The following CDH18 variants were observed in gnomAD, a reference collection of about 807,000 sequenced individuals.
CDH18 encodes cadherin-18.
A neutral mutation model predicts 67.9 loss-of-function variants in CDH18; 31 were observed. The observed-to-expected ratio is 0.46, with a 90% confidence interval of 0.34 to 0.62. The LOEUF (loss-of-function observed/expected upper bound fraction) is 0.62. Among genes scored for constraint, CDH18 ranks in the 20% least tolerant of loss-of-function variants. CDH18 has a pLI of 0.01. For missense variants in CDH18, 890 were observed against 975.5 expected, an observed-to-expected ratio of 0.91 and a Z score of 1.17; for synonymous variants, 362 against 347.2, an observed-to-expected ratio of 1.04 and a Z score of -0.48.
chr5:20,106,620 G>C (rs1746962379), intron 2 of CDH18, among the ~76,000 whole-genome samples: 1 of 152,164 alleles, frequency 6.6e-6, no homozygotes, highest in African/African-American at 2.4e-5. Flanking sequence ...AAAATTAAAT[G>C]TGTTGGAAAC....
intron 6 of CDH18, among the ~76,000 whole-genome samples, chr5:19,591,925 C>A (rs1745206605): frequency 6.6e-6 from 1 of 151,890 alleles, no homozygotes; most frequent in African/African-American, 2.4e-5. Flanking sequence ...GAAAATTAAA[C>A]AGCATTTGTG....
chr5:19,984,598 C>T (rs1239207223), intron 1 of CDH18, among the ~76,000 whole-genome samples: 1 of 152,140 alleles, frequency 6.6e-6, no homozygotes, highest in Non-Finnish European at 1.5e-5. Flanking sequence ...TTTAATCAGA[C>T]AAATCATCAA....
At chr5:20,267,532 T>A (rs886283029) in intron 1 of CDH18, among the ~76,000 whole-genome samples, 1 of 152,158 alleles carries the variant, frequency 6.6e-6, no homozygotes, top group Non-Finnish European at 1.5e-5. Context: ...AATTCATGAG[T>A]ATAAAATATT....
chr5:20,053,266 TA>T (rs1741598898), intron 2 of CDH18, among the ~76,000 whole-genome samples: 1 of 151,098 alleles, frequency 6.6e-6, no homozygotes, highest in African/African-American at 2.4e-5. Flanking sequence ...CATATATACA[TA>T]TAGTATAGAT....
At chr5:19,796,149 G>T (rs1038902808) in intron 3 of CDH18, among the ~76,000 whole-genome samples, 4 of 151,950 alleles carry the variant, frequency 2.6e-5, no homozygotes, top group African/African-American at 9.7e-5. Context: ...GACACTAGAA[G>T]AATTTTAAAG....
intron 2 of CDH18, among the ~76,000 whole-genome samples, chr5:19,973,055 T>C (rs1798176031): frequency 6.6e-6 from 1 of 151,906 alleles, no homozygotes; most frequent in Non-Finnish European, 1.5e-5. Context: ...GTAGAACAAA[T>C]AACTTACGGT....
At chr5:19,657,211 A>G (rs990354914) in intron 5 of CDH18, among the ~76,000 whole-genome samples, 20 of 152,164 alleles carry the variant, frequency 1.3e-4, no homozygotes, top group African/African-American at 3.1e-4. Flanking sequence ...GTGTATACAT[A>G]TAAGATTTTC....
chr5:20,128,752 G>C (rs1022370867), intron 2 of CDH18, among the ~76,000 whole-genome samples: 1 of 152,058 alleles, frequency 6.6e-6, no homozygotes, highest in African/African-American at 2.4e-5. Flanking sequence ...TTACATTCGT[G>C]TATTGACTTA....
At chr5:19,895,987 A>G (rs752812706) in intron 2 of CDH18, among the ~76,000 whole-genome samples, 105 of 151,022 alleles carry the variant, frequency 7.0e-4, no homozygotes, top group Non-Finnish European at 1.2e-3. Flanking sequence ...CCATGCTTCA[A>G]TCTCTGCAAC....
At chr5:20,078,487 A>C (rs1455803473) in intron 2 of CDH18, among the ~76,000 whole-genome samples, 2 of 152,028 alleles carry the variant, frequency 1.3e-5, no homozygotes, top group Admixed American at 6.6e-5. Flanking sequence ...AAAACAAAAA[A>C]CAAAAACAGA....
chr5:19,850,112 A>G (rs1452507850), intron 2 of CDH18, among the ~76,000 whole-genome samples: 1 of 151,926 alleles, frequency 6.6e-6, no homozygotes, highest in Non-Finnish European at 1.5e-5. Context: ...TGACAACAGT[A>G]TTTAAGTCAT....
Position 19,571,840 on chromosome 5 carries a change from G to A in CDH18, c.1000-8C>T. Reference sequence around the variant, plus strand: ...TTTCTCATAGTTCAGTGGCTGTGGGGAAAAAAAATAAGATTATGACTTTTA... The same window carrying A: ...TTTCTCATAGTTCAGTGGCTGTGGGAAAAAAAAATAAGATTATGACTTTTA... On this transcript the variant is annotated splice_polypyrimidine_tract_variant and splice_region_variant and intron_variant, in intron 7 of 12. Coordinates refer to ENST00000382275, the MANE Select transcript of CDH18 (RefSeq NM_004934.5). The A allele has an allele frequency of 6.3e-7, 1 of 1,587,088 alleles. No homozygotes were observed.
chr5:20,556,179 G>A (rs574802144), intron 1 of CDH18, among the ~76,000 whole-genome samples: 7 of 152,256 alleles, frequency 4.6e-5, no homozygotes, highest in Admixed American at 3.3e-4. Context: ...CTTCTGTGGA[G>A]GAATCAGAAA....
chr5:19,844,268 A>G (rs1782674353), intron 2 of CDH18, among the ~76,000 whole-genome samples: 1 of 152,112 alleles, frequency 6.6e-6, no homozygotes, highest in Non-Finnish European at 1.5e-5. Flanking sequence ...CCGAATTGCT[A>G]TCCCCATTTT....
At chr5:19,605,598 C>G (rs537220649) in intron 6 of CDH18, among the ~76,000 whole-genome samples, 1 of 151,864 alleles carries the variant, frequency 6.6e-6, no homozygotes, top group South Asian at 2.1e-4. Flanking sequence ...AGGGGTATAT[C>G]TAACTCTGTC....
intron 2 of CDH18, among the ~76,000 whole-genome samples, chr5:19,873,042 G>A (rs190173131): frequency 3.1e-4 from 47 of 152,218 alleles, no homozygotes; most frequent in African/African-American, 1.1e-3. Context: ...GGGACTCAAA[G>A]TAAGTACTAA....
At chr5:20,494,914 G>A (rs74416876) in intron 1 of CDH18, among the ~76,000 whole-genome samples, 2 of 152,122 alleles carry the variant, frequency 1.3e-5, no homozygotes, top group African/African-American at 4.8e-5. Flanking sequence ...GGCCAAAGGA[G>A]CATTCGGGGA....
chr5:20,101,688 G>A (rs1746480546), intron 2 of CDH18, among the ~76,000 whole-genome samples: 1 of 152,178 alleles, frequency 6.6e-6, no homozygotes, highest in Non-Finnish European at 1.5e-5. Context: ...CCCAAACACA[G>A]ACTAAACCAT....
chr5:20,551,496 C>T (rs1757630068), intron 1 of CDH18, among the ~76,000 whole-genome samples: 1 of 152,126 alleles, frequency 6.6e-6, no homozygotes, highest in Non-Finnish European at 1.5e-5. Context: ...CACCCACTTG[C>T]TGTTAATAGA....
Sources: gnomAD v4.1 joint callset for allele counts (sites outside exome capture counted in the v4.1 genomes callset) on GRCh38, gnomAD v4.1.1 for gene constraint, MANE v1.5 for transcripts, NCBI Gene and HGNC (gene_info 2026-07-23, HGNC 2026-07-21) for gene names.